NAV2: variants seen among roughly 807,000 people sequenced by gnomAD.
NAV2 encodes helicase, APC down-regulated 1.
In NAV2, 54 loss-of-function variants were observed where a neutral mutation model predicts 223.2. That is an observed-to-expected ratio of 0.24 (90% CI 0.19 to 0.30). The LOEUF is 0.30. Among genes scored for constraint, NAV2 ranks in the 10% least tolerant of loss-of-function variants. The pLI, the probability that NAV2 is intolerant of heterozygous loss-of-function variation, is 1.00. For synonymous variants in NAV2, 1,279 were observed against 1,239.3 expected (o/e 1.03, Z -0.67); for missense variants, 2,806 against 3,147.5 (o/e 0.89, Z 2.60).
intron 1 of NAV2, among the ~76,000 whole-genome samples, chr11:19,588,429 A>C (rs895917651): frequency 1.3e-5 from 2 of 152,190 alleles, no homozygotes; most frequent in Non-Finnish European, 2.9e-5. Context: ...GAGCCAACCC[A>C]CTTGACAGTG....
chr11:20,083,660 T>C (rs1040580737), intron 26 of NAV2, among the ~76,000 whole-genome samples: 2 of 152,140 alleles, frequency 1.3e-5, no homozygotes, highest in African/African-American at 4.8e-5. Flanking sequence ...GTCAGAGAGA[T>C]GAGACAGTGC....
intron 1 of NAV2, among the ~76,000 whole-genome samples, chr11:19,483,365 G>A (rs2042339402): frequency 6.6e-6 from 1 of 152,140 alleles, no homozygotes; most frequent in Admixed American, 6.5e-5. Context: ...TGGTCACTTG[G>A]TAGCTATCTT....
intron 1 of NAV2, among the ~76,000 whole-genome samples, chr11:19,374,309 G>GTTTTTTTTTTTTT (rs10533713): frequency 2.4e-5 from 3 of 124,594 alleles, no homozygotes; most frequent in African/African-American, 3.2e-5. Context: ...TTCCGAAAAG[G>GTTTTTTTTTTTTT]TTTTTTTTTT....
At chr11:19,845,390 C>T (rs2060744228) in intron 3 of NAV2, among the ~76,000 whole-genome samples, 2 of 152,080 alleles carry the variant, frequency 1.3e-5, no homozygotes, top group South Asian at 4.1e-4. Context: ...GAAGATGACA[C>T]ACAATGAGAT....
chr11:20,073,643 T>C (rs2059542653), intron 22 of NAV2, among the ~76,000 whole-genome samples: 1 of 152,234 alleles, frequency 6.6e-6, no homozygotes, highest in Non-Finnish European at 1.5e-5. Context: ...GGGATTTGAC[T>C]TCTTCCTGGT....
At chr11:19,469,543 C>G (rs1219537738) in intron 1 of NAV2, among the ~76,000 whole-genome samples, 1 of 152,196 alleles carries the variant, frequency 6.6e-6, no homozygotes, top group Admixed American at 6.5e-5. Context: ...TTGGTTTCAG[C>G]CTTCACCCTC....
intron 1 of NAV2, among the ~76,000 whole-genome samples, chr11:19,610,667 T>C (rs569975853): frequency 5.0e-4 from 76 of 152,282 alleles, no homozygotes; most frequent in African/African-American, 1.8e-3. Flanking sequence ...TGGGCACTTG[T>C]TCCATTTCCA....
At chr11:19,940,467 T>G (rs1255966315) in intron 8 of NAV2, among the ~76,000 whole-genome samples, 1 of 152,188 alleles carries the variant, frequency 6.6e-6, no homozygotes, top group Non-Finnish European at 1.5e-5. Context: ...TGCTATCTTC[T>G]CTGTCTCTTT....
At chr11:19,384,165 A>T (rs1848947223) in intron 1 of NAV2, among the ~76,000 whole-genome samples, 1 of 152,248 alleles carries the variant, frequency 6.6e-6, no homozygotes, top group Non-Finnish European at 1.5e-5. Flanking sequence ...ACACATTTTT[A>T]AAAATAGAGA....
intron 5 of NAV2, among the ~76,000 whole-genome samples, chr11:19,888,081 C>T (rs2041177388): frequency 6.6e-6 from 1 of 152,138 alleles, no homozygotes; most frequent in South Asian, 2.1e-4. Context: ...AGAAATTGAC[C>T]ATGGCTCTAA....
chr11:20,095,891 T>A, intron 30 of NAV2, 124 bp downstream of exon 30: 2 of 732,964 alleles, frequency 2.7e-6, no homozygotes. Flanking sequence ...TCCCTACATG[T>A]TAATGTTGCT....
At chr11:19,573,204 A>G (rs553271532) in intron 1 of NAV2, among the ~76,000 whole-genome samples, 5 of 152,166 alleles carry the variant, frequency 3.3e-5, no homozygotes, top group Non-Finnish European at 5.9e-5. Flanking sequence ...TTCTTTTCCC[A>G]GAAGTCATCT....
chr11:19,540,259 C>T (rs1259940995), intron 1 of NAV2, among the ~76,000 whole-genome samples: 1 of 152,042 alleles, frequency 6.6e-6, no homozygotes, highest in Non-Finnish European at 1.5e-5. Flanking sequence ...CCGTCAAGGT[C>T]TTCTAGCTCC....
At chr11:19,597,899 C>A (rs972577070) in intron 1 of NAV2, among the ~76,000 whole-genome samples, 10 of 152,344 alleles carry the variant, frequency 6.6e-5, no homozygotes, top group African/African-American at 2.4e-4. Context: ...TAAAGAAAAT[C>A]CTGGGCCCCT....
chr11:19,992,371 G>C (rs979121835), intron 11 of NAV2, among the ~76,000 whole-genome samples: 6 of 152,206 alleles, frequency 3.9e-5, no homozygotes. Flanking sequence ...CTACCAGGGG[G>C]TTATAAAGAG....
At chr11:20,067,297 G>A (rs2059109992) in intron 20 of NAV2, among the ~76,000 whole-genome samples, 2 of 152,122 alleles carry the variant, frequency 1.3e-5, no homozygotes, top group Non-Finnish European at 2.9e-5. Flanking sequence ...CCACTGTGGT[G>A]TCCTAGGGAA....
At chr11:19,350,960 C>T in exon 1 of NAV2, 1 of 1,551,626 alleles carries the variant, frequency 6.4e-7, no homozygotes, top group Non-Finnish European at 8.7e-7. Context: ...GAAATGGAAT[C>T]GGTTTCTGAG....
intron 1 of NAV2, among the ~76,000 whole-genome samples, chr11:19,390,725 G>A (rs1334714393): frequency 1.3e-5 from 2 of 152,076 alleles, no homozygotes; most frequent in African/African-American, 4.8e-5. Flanking sequence ...TGGTCAGGAA[G>A]GCTTCTCTTG....
At chr11:19,620,070 A>G (rs1293670748) in intron 1 of NAV2, among the ~76,000 whole-genome samples, 2 of 152,150 alleles carry the variant, frequency 1.3e-5, no homozygotes. Context: ...AGATAGTTGT[A>G]GATGTGTGAT....
Sources: gnomAD v4.1 joint callset for allele counts (sites outside exome capture counted in the v4.1 genomes callset) on GRCh38, gnomAD v4.1.1 for gene constraint, MANE v1.5 for transcripts, NCBI Gene and HGNC (gene_info 2026-07-23, HGNC 2026-07-21) for gene names.